Variants in HSPD1 observed in about 807,000 individuals in gnomAD.
The protein encoded by HSPD1 is heat shock protein family D (Hsp60) member 1.
In HSPD1, 3 loss-of-function variants were observed where a neutral mutation model predicts 53.0. That is an observed-to-expected ratio of 0.06 (90% CI 0.03 to 0.15). The LOEUF is 0.15. HSPD1 is among the 10% of genes least tolerant of loss of function. HSPD1 has a pLI of 1.00. For missense variants in HSPD1, 431 were observed against 694.1 expected (o/e 0.62, Z 4.26); for synonymous variants, 200 against 228.0 (o/e 0.88, Z 1.10).
At chr2:197,494,617 G>C in intron 5 of HSPD1, 40 bp downstream of exon 5, 2 of 1,120,394 alleles carry the variant, frequency 1.8e-6, no homozygotes, top group African/African-American at 1.6e-5. Context: ...TTGATCATAA[G>C]ATAACTCAAA....
rs2086136712 is a variant in HSPD1 at position 197,494,708 on chromosome 2, G to A, written c.555C>T (p.Ile185=). The change falls in exon 5 of 12, where the codon ATC becomes ATT. Residue 185 remains isoleucine (I), a synonymous_variant. Coordinates refer to ENST00000388968, the MANE Select transcript of HSPD1 (RefSeq NM_002156.5). ...CAACTTTTTTCATTGCATCAGAGAT[G>A]ATATTGCCAATTTCTTTGTCTCCGT... is the stretch of plus-strand genomic sequence containing the variant. The part of the protein sequence containing the change: ...SANGDKEIGN[I]ISDAMKKVGR... 1.9e-6 allele frequency: 3 copies of A among 1,612,868 alleles called. No homozygotes were observed. Among genetic ancestry groups the A allele is most frequent in the Non-Finnish European group, 2.5e-6 (3 of 1,179,050 alleles).
chr2:197,497,073 T>A, intron 3 of HSPD1, 67 bp downstream of exon 3: 1 of 1,439,970 alleles, frequency 6.9e-7, no homozygotes, highest in Non-Finnish European at 9.8e-7. Context: ...TTTCCTTAGG[T>A]CCAAGGAATC....
At chr2:197,488,980 T>G (rs1306663396) in intron 9 of HSPD1, 22 bp downstream of exon 9, 1 of 1,612,836 alleles carries the variant, frequency 6.2e-7, no homozygotes. Flanking sequence ...CCAAGAAACT[T>G]ATTCATAATA....
rs1340391404 is a variant in HSPD1, at chr2:197,497,215, C to T, written c.352G>A (p.Val118Ile). 4 of 1,613,896 alleles carry T rather than the reference C, an allele frequency of 2.5e-6. No individual in the cohort carries two copies. The highest frequency in any genetic ancestry group is 3.4e-6 in the Non-Finnish European group (4 of 1,179,756). Residue 118 changes from valine (V) to isoleucine (I), a missense_variant, in exon 3 of 12, where the codon GTA (valine) becomes ATA (isoleucine). Around this residue, in one of 2 missense-constraint regions of HSPD1, gnomAD observed 386 missense variants for 657.6 expected, o/e 0.59. Transcript: ENST00000388968. Reference protein sequence around the residue: ...EAGDGTTTATVLARSIAKEGF... With the variant: ...EAGDGTTTATILARSIAKEGF... ...TCCTTGGCTATAGAGCGTGCCAGTACAGTAGCAGTGGTAGTGCCATCCCCA... is the reference window on the plus strand; with the variant it reads ...TCCTTGGCTATAGAGCGTGCCAGTATAGTAGCAGTGGTAGTGCCATCCCCA...
At chr2:197,490,989 A>C (rs1334990855) in intron 7 of HSPD1, among the ~76,000 whole-genome samples, 1 of 152,204 alleles carries the variant, frequency 6.6e-6, no homozygotes, top group East Asian at 1.9e-4. Context: ...TCAAATGTCC[A>C]TTTGAGAGCA....
At chr2:197,495,945 A>G (rs1016409767) in intron 3 of HSPD1, among the ~76,000 whole-genome samples, 3 of 152,194 alleles carry the variant, frequency 2.0e-5, no homozygotes, top group African/African-American at 7.2e-5. Context: ...CTCACCACTG[A>G]ACTCATCCTA....
chr2:197,490,338 A>G (rs1436921869), intron 7 of HSPD1, 42 bp from the exon 8 acceptor site: 13 of 1,434,750 alleles, frequency 9.1e-6, no homozygotes, highest in Non-Finnish European at 1.2e-5. Context: ...TGAAATAAAA[A>G]TGCCTATCTG....
intron 5 of HSPD1, 50 bp downstream of exon 5, chr2:197,494,607 T>A (rs2106076776): frequency 2.4e-6 from 2 of 848,506 alleles, no homozygotes; most frequent in Non-Finnish European, 3.5e-6. Context: ...ACTCAAACTT[T>A]TGATCATAAG....
At chr2:197,496,918 A>G (rs2086165306) in intron 3 of HSPD1, 1 of 566,518 alleles carries the variant, frequency 1.8e-6, no homozygotes, top group Non-Finnish European at 3.2e-6. Flanking sequence ...TCTAAAAACA[A>G]AAGAAACCAA....
At chr2:197,488,189 A>G in intron 10 of HSPD1, 128 bp downstream of exon 10, 1 of 1,000,078 alleles carries the variant, frequency 1.0e-6, no homozygotes, top group South Asian at 1.4e-5. Flanking sequence ...TTTAGCTCTG[A>G]CATTAGCACT....
intron 2 of HSPD1, chr2:197,497,639 G>A: frequency 2.1e-5 from 11 of 533,962 alleles, no homozygotes; most frequent in South Asian, 6.6e-5. Flanking sequence ...AAAATCCTAG[G>A]GACTAAAACT....
chr2:197,495,458 A>G, intron 3 of HSPD1, 82 bp from the exon 4 acceptor site: 3 of 1,008,784 alleles, frequency 3.0e-6, no homozygotes, highest in African/African-American at 3.2e-5. Context: ...ATTTGTGACA[A>G]ATATTTTAAT....
chr2:197,486,941 T>C lies in HSPD1; in HGVS notation c.*105A>G, dbSNP rs2086033053. On this transcript the variant is annotated 3_prime_UTR_variant, in exon 12 of 12. Transcript: ENST00000388968. ...GTTATAGTGATTTTCAGCCAGCCTT[T>C]TTCTTCATTTTCTCCAACTGACTTC... 1.2e-5 allele frequency: 13 copies of C among 1,071,516 alleles called. No homozygotes were observed. In the South Asian group the frequency reaches 1.5e-4, roughly 12 times the overall value. The allele number at this position is 1,071,516 out of a possible 1,614,324, so 66.4% of individuals were successfully genotyped here. A position where few individuals can be genotyped will look rare whatever the true frequency, so the allele number is the denominator to read the frequency against.
At chr2:197,499,030 G>GTTT in intron 1 of HSPD1, 180 bp from the exon 2 acceptor site, 1 of 669,830 alleles carries the variant, frequency 1.5e-6, no homozygotes, top group Non-Finnish European at 2.7e-6. Context: ...ACTAGCGCAA[G>GTTT]CTAAAGAGGC....
Position 197,486,934 on chromosome 2 carries a change from C to G in HSPD1, c.*112G>C. 3 of 971,378 alleles carry G rather than the reference C, an allele frequency of 3.1e-6. No homozygotes were observed. Among genetic ancestry groups the G allele is most frequent in the Non-Finnish European group, 5.0e-6 (3 of 598,854 alleles). The allele number at this position is 971,378 out of a possible 1,614,324, so 60.2% of individuals were successfully genotyped here. A position where few individuals can be genotyped will look rare whatever the true frequency, so the allele number is the denominator to read the frequency against. On this transcript the variant is annotated 3_prime_UTR_variant, in exon 12 of 12. Transcript: ENST00000388968. ...ACTGATGGTTATAGTGATTTTCAGC[C>G]AGCCTTTTTCTTCATTTTCTCCAAC...
At position 197,493,501 on chromosome 2, in the gene HSPD1, A is replaced by T; in HGVS notation, c.701-9T>A. The T allele has an allele frequency of 6.2e-7, 1 of 1,601,720 alleles. No individual in the cohort carries two copies. The highest frequency in any genetic ancestry group is 8.6e-7 in the Non-Finnish European group (1 of 1,168,652). The stretch of plus-strand genomic sequence containing the variant: ...GAATTCACATTTCTGACCTGTAAAA[A>T]TAATGAAGATTTCAAAAATATACAA... On this transcript the variant is annotated splice_polypyrimidine_tract_variant and intron_variant, in intron 6 of 11. Coordinates refer to ENST00000388968, the MANE Select transcript of HSPD1 (RefSeq NM_002156.5).
At chr2:197,494,818 C>A in intron 4 of HSPD1, 66 bp from the exon 5 acceptor site, 1 of 1,046,856 alleles carries the variant, frequency 9.6e-7, no homozygotes, top group South Asian at 1.3e-5. Flanking sequence ...AGTTCCCTTA[C>A]CTTTTCCTAG....
rs1390512592 is a variant in HSPD1 at position 197,487,953 on chromosome 2, C to T, written c.1474G>A (p.Glu492Lys). The change falls in exon 11 of 12, where the codon GAG (glutamate) becomes AAG (lysine). Residue 492 changes from glutamate to lysine, a missense_variant. Glu to Lys is a moderately conservative substitution (Grantham distance 56, BLOSUM62 1). Coordinates refer to ENST00000388968, the MANE Select transcript of HSPD1 (RefSeq NM_002156.5). ...TCTGAGGAACTTTGCATAATTTTCTCAACTATCAAAGATCCTTCAACACCT... is the reference window on the plus strand; with the variant it reads ...TCTGAGGAACTTTGCATAATTTTCTTAACTATCAAAGATCCTTCAACACCT... Reference protein sequence around the residue: ...NAGVEGSLIVEKIMQSSSEVG... With the variant: ...NAGVEGSLIVKKIMQSSSEVG... 1.2e-6 allele frequency: 2 copies of T among 1,612,996 alleles called. No individual in the cohort carries two copies. Among genetic ancestry groups the T allele is most frequent in the African/African-American group, 2.7e-5 (2 of 74,924 alleles).
At chr2:197,492,992 G>A (rs1184461771) in intron 7 of HSPD1, among the ~76,000 whole-genome samples, 1 of 146,286 alleles carries the variant, frequency 6.8e-6, no homozygotes, top group Non-Finnish European at 1.5e-5. Context: ...GGGCCAGGGA[G>A]TGAGACTCTG....
Sources: allele counts gnomAD v4.1 joint callset (sites outside exome capture counted in the v4.1 genomes callset), GRCh38; gene constraint gnomAD v4.1.1; regional missense constraint gnomAD v4.1.1; transcripts MANE v1.5; gene names NCBI Gene and HGNC (gene_info 2026-07-23, HGNC 2026-07-21).